Variants in TMEM178B observed in about 807,000 individuals in gnomAD.
TMEM178B encodes transmembrane protein 178B.
In TMEM178B, 5 loss-of-function variants were observed where a neutral mutation model predicts 31.0. That is an observed-to-expected ratio of 0.16 (90% CI 0.08 to 0.34). The LOEUF is 0.34. TMEM178B is among the 10% of genes least tolerant of loss of function. The pLI is 1.00. For missense variants in TMEM178B, 275 were observed against 400.3 expected (o/e 0.69, Z 2.67); for synonymous variants, 164 against 164.0 (o/e 1.00, Z 0.00).
At chr7:141,302,203 T>TG (rs1798739153) in intron 2 of TMEM178B, among the ~76,000 whole-genome samples, 1 of 152,226 alleles carries the variant, frequency 6.6e-6, no homozygotes. Flanking sequence ...AAGATTCAGA[T>TG]GAACGGATAA....
At chr7:141,455,277 A>G (rs991852277) in intron 3 of TMEM178B, among the ~76,000 whole-genome samples, 1 of 152,290 alleles carries the variant, frequency 6.6e-6, no homozygotes, top group East Asian at 1.9e-4. Flanking sequence ...CCCTAGTTCT[A>G]TGAAGTAGTC....
chr7:141,438,384 G>A (rs1801589747), intron 3 of TMEM178B, among the ~76,000 whole-genome samples: 1 of 152,188 alleles, frequency 6.6e-6, no homozygotes, highest in Non-Finnish European at 1.5e-5. Context: ...GGAAGTAACA[G>A]TGAGTCCACT....
chr7:141,298,785 A>G (rs1798676843), intron 2 of TMEM178B, among the ~76,000 whole-genome samples: 2 of 152,264 alleles, frequency 1.3e-5, no homozygotes, highest in African/African-American at 4.8e-5. Context: ...GCACTTGGAC[A>G]CATTTGCAGA....
chr7:141,393,314 G>A (rs150749007), intron 2 of TMEM178B, among the ~76,000 whole-genome samples: 4 of 152,244 alleles, frequency 2.6e-5, no homozygotes, highest in African/African-American at 9.6e-5. Flanking sequence ...ACTCAGCATC[G>A]AGGGGAAGTC....
intron 2 of TMEM178B, among the ~76,000 whole-genome samples, chr7:141,247,474 A>G (rs1797755929): frequency 2.0e-5 from 3 of 152,166 alleles, no homozygotes; most frequent in African/African-American, 7.2e-5. Flanking sequence ...GCTTAAGATC[A>G]CAGGTTCTGC....
At chr7:141,230,114 G>T (rs1230187708) in intron 2 of TMEM178B, among the ~76,000 whole-genome samples, 6 of 151,960 alleles carry the variant, frequency 3.9e-5, no homozygotes, top group Non-Finnish European at 7.4e-5. Context: ...TTCTTCTAAA[G>T]TTAAATGTTT....
intron 1 of TMEM178B, among the ~76,000 whole-genome samples, chr7:141,203,419 TG>T (rs1419152443): frequency 1.3e-5 from 2 of 152,220 alleles, no homozygotes; most frequent in East Asian, 3.9e-4. Context: ...AGACCCCACG[TG>T]GGCTGGACAC....
chr7:141,467,541 C>T (rs1024700039), intron 3 of TMEM178B, among the ~76,000 whole-genome samples: 1 of 152,160 alleles, frequency 6.6e-6, no homozygotes, highest in Admixed American at 6.5e-5. Flanking sequence ...CTTGCCCCTT[C>T]CCCCTGATGA....
chr7:141,426,820 TTTA>T (rs1563179619), intron 2 of TMEM178B, among the ~76,000 whole-genome samples: 2 of 152,276 alleles, frequency 1.3e-5, no homozygotes, highest in South Asian at 2.1e-4. Context: ...AAAAGCTATA[TTTA>T]TTATAACTAA....
At chr7:141,287,609 G>A (rs960098678) in intron 2 of TMEM178B, among the ~76,000 whole-genome samples, 3 of 152,156 alleles carry the variant, frequency 2.0e-5, no homozygotes, top group African/African-American at 7.2e-5. Flanking sequence ...GCTTTAGCTT[G>A]GGCTTTTGAG....
intron 1 of TMEM178B, among the ~76,000 whole-genome samples, chr7:141,083,883 AT>A (rs57202199): frequency 0.93 from 135,837 of 145,924 alleles, 63,221 homozygotes; most frequent in East Asian, 0.98. Flanking sequence ...ATTCAGCAGA[AT>A]TTTTTTTTTT....
At chr7:141,221,684 C>G (rs958833248) in intron 2 of TMEM178B, among the ~76,000 whole-genome samples, 14 of 152,170 alleles carry the variant, frequency 9.2e-5, no homozygotes, top group Admixed American at 6.5e-4. Flanking sequence ...AGTCAGAGCA[C>G]CAGTCACAAA....
intron 1 of TMEM178B, among the ~76,000 whole-genome samples, chr7:141,083,708 G>C (rs543327863): frequency 6.6e-6 from 1 of 152,254 alleles, no homozygotes; most frequent in Admixed American, 6.5e-5. Context: ...GAAAGGTGAT[G>C]ACAGATGCAC....
chr7:141,356,107 T>C (rs114233894), intron 2 of TMEM178B, among the ~76,000 whole-genome samples: 3,504 of 152,320 alleles, frequency 0.023, 124 homozygotes, highest in African/African-American at 0.079. Context: ...ATTTTCTTTT[T>C]CCAATCCGTC....
intron 2 of TMEM178B, among the ~76,000 whole-genome samples, chr7:141,235,728 C>G (rs1467599548): frequency 6.6e-6 from 1 of 152,202 alleles, no homozygotes; most frequent in Non-Finnish European, 1.5e-5. Flanking sequence ...ATGTTAGTCC[C>G]CATACTTCAT....
chr7:141,268,027 T>A (rs1798121669), intron 2 of TMEM178B, among the ~76,000 whole-genome samples: 1 of 152,244 alleles, frequency 6.6e-6, no homozygotes. Flanking sequence ...TATATAGACT[T>A]ACAGAATTAC....
rs183796049 is a variant in TMEM178B at position 141,075,231 on chromosome 7, G to C, written c.382+539G>C. 2.5e-3 allele frequency among the ~76,000 whole-genome samples: 388 copies of C among 152,258 alleles called. 3 individuals carry two copies. Among genetic ancestry groups the C allele is most frequent in the African/African-American group, 9.1e-3 (376 of 41,538 alleles). On this transcript the variant is annotated intron_variant, in intron 1 of 3. Transcript: ENST00000565468. ...AATCACAGCCCCTGTCCTGTAAGCA[G>C]CTCCAAGCCAGCTGACCAGCAGCAT...
the TMEM178B span, among the ~76,000 whole-genome samples, chr7:141,498,279 C>T: frequency 1.0e-3 from 157 of 152,354 alleles, no homozygotes; most frequent in Middle Eastern, 6.8e-3. Flanking sequence ...AAGAGGAAAA[C>T]TCCTTCCCCC....
chr7:141,492,279 C>T, the TMEM178B span, among the ~76,000 whole-genome samples: 2 of 152,316 alleles, frequency 1.3e-5, no homozygotes, highest in East Asian at 3.9e-4. Flanking sequence ...TTACATGACA[C>T]TTCTTCAAAG....
Sources: gnomAD v4.1 joint callset for allele counts (sites outside exome capture counted in the v4.1 genomes callset) on GRCh38, gnomAD v4.1.1 for gene constraint, MANE v1.5 for transcripts, NCBI Gene and HGNC (gene_info 2026-07-23, HGNC 2026-07-21) for gene names.